Variants in DNAH14 observed in about 807,000 individuals in gnomAD.
The protein encoded by DNAH14 is axonemal beta dynein heavy chain 14.
DNAH14 carries 478 observed loss-of-function variants against 520.9 expected under a neutral mutation model. The observed-to-expected ratio is 0.92, with a 90% CI of 0.85 to 0.99. The LOEUF (loss-of-function observed/expected upper bound fraction) is 0.99. Among genes scored for constraint, DNAH14 ranks in the 50% least tolerant of loss-of-function variants. The pLI is 0.00. For synonymous variants in DNAH14, 1,581 were observed against 1,757.2 expected (o/e 0.90, Z 2.51); for missense variants, 4,831 against 5,234.5 (o/e 0.92, Z 2.38).
At chr1:225,090,824 C>T (rs545043012) in intron 21 of DNAH14, among the ~76,000 whole-genome samples, 2 of 152,192 alleles carry the variant, frequency 1.3e-5, no homozygotes, top group Admixed American at 6.5e-5. Flanking sequence ...AGGCAGATTT[C>T]TTCAATATGG....
At chr1:225,370,283 A>G (rs1575065817) in intron 77 of DNAH14, among the ~76,000 whole-genome samples, 1 of 151,430 alleles carries the variant, frequency 6.6e-6, no homozygotes, top group East Asian at 1.9e-4. Context: ...CTCCATCTCA[A>G]AAACAAAAAA....
At position 225,167,958 on chromosome 1, in the gene DNAH14, C is replaced by T; in HGVS notation, c.5465C>T (p.Thr1822Ile). The change falls in exon 36 of 86, where the codon ACT (threonine) becomes ATT (isoleucine). Residue 1822 changes from threonine to isoleucine, a missense_variant. Thr to Ile is a moderately conservative substitution (Grantham distance 89). Coordinates refer to ENST00000682510, the MANE Select transcript of DNAH14 (RefSeq NM_001367479.1). ...TTTTAGAAAGTAATATATACTGCAACTCAGCAATTGGGTTTACAAAACTGG... is the reference window on the plus strand; with the variant it reads ...TTTTAGAAAGTAATATATACTGCAATTCAGCAATTGGGTTTACAAAACTGG... ...LALEKVIYTA[T>I]QQLGLQNWSS... is the part of the protein sequence containing the mutation. The T allele has an allele frequency of 1.3e-6, 2 of 1,530,224 alleles. No individual in the cohort carries two copies. Among genetic ancestry groups the T allele is most frequent in the Non-Finnish European group, 8.8e-7 (1 of 1,136,644 alleles). 94.8% of individuals were successfully genotyped at this position (1,530,224 alleles called of 1,614,324 possible). A position where few individuals can be genotyped will look rare whatever the true frequency, so the allele number is the denominator to read the frequency against.
At chr1:225,018,078 A>G (rs2147977015) in intron 10 of DNAH14, among the ~76,000 whole-genome samples, 1 of 152,312 alleles carries the variant, frequency 6.6e-6, no homozygotes, top group African/African-American at 2.4e-5. Context: ...AAATTGCTGT[A>G]ATGTCACACA....
In DNAH14 at chr1:225,100,798, G is replaced by T; in HGVS notation, c.3781G>T (p.Ala1261Ser). 5.2e-6 allele frequency: 8 copies of T among 1,538,558 alleles called. No individual in the cohort carries two copies. The highest frequency in any genetic ancestry group is 6.1e-6 in the Non-Finnish European group (7 of 1,142,952). The change falls in exon 23 of 86, where the codon GCT becomes TCT. Residue 1261 changes from alanine (A) to serine (S), a missense_variant. Ala to Ser is a moderately conservative substitution (Grantham distance 99). Coordinates refer to ENST00000682510, the MANE Select transcript of DNAH14 (RefSeq NM_001367479.1). ...IMSKIQNKQN[A>S]LQITTSAGVL... ...GTCAAAAATACAAAACAAACAGAAT[G>T]CTTTGCAGATAACCACTTCTGCAGG...
chr1:225,299,444 C>CAT (rs1421563126), intron 55 of DNAH14, among the ~76,000 whole-genome samples: 1 of 152,108 alleles, frequency 6.6e-6, no homozygotes, highest in East Asian at 1.9e-4. Flanking sequence ...ATCCAAGTGC[C>CAT]ATATCATATC....
chr1:225,366,518 A>T (rs2095555133), intron 76 of DNAH14, among the ~76,000 whole-genome samples: 1 of 152,230 alleles, frequency 6.6e-6, no homozygotes. Context: ...AGAATCAGTC[A>T]TAGCAGTCGG....
chr1:224,998,705 C>T (rs1232029112), intron 8 of DNAH14, among the ~76,000 whole-genome samples: 1 of 151,930 alleles, frequency 6.6e-6, no homozygotes, highest in Non-Finnish European at 1.5e-5. Context: ...ATACATGTTC[C>T]ATGGGAACTT....
At chr1:225,182,033 A>C (rs34256167) in intron 36 of DNAH14, among the ~76,000 whole-genome samples, 19,442 of 150,824 alleles carry the variant, frequency 0.13, 1,399 homozygotes, top group East Asian at 0.31. Context: ...CTAAAAAATA[A>C]AAATACCAAA....
chr1:225,270,630 CTAAATGTTTT>C (rs1279651533), intron 49 of DNAH14, 95 bp from the exon 50 acceptor site: 25 of 976,352 alleles, frequency 2.6e-5, no homozygotes, highest in Non-Finnish European at 3.2e-5. Flanking sequence ...ATCTTTTTGT[CTAAATGTTTT>C]TAAATGTTTT....
chr1:224,968,700 T>G (rs2125609405), intron 6 of DNAH14, 59 bp from the exon 7 acceptor site: 1 of 1,092,892 alleles, frequency 9.2e-7, no homozygotes, highest in East Asian at 3.0e-5. Context: ...CTTAATTTCT[T>G]GAAAATGGTA....
chr1:225,213,894 T>C (rs1219016286), intron 41 of DNAH14, among the ~76,000 whole-genome samples: 5 of 152,242 alleles, frequency 3.3e-5, no homozygotes, highest in African/African-American at 1.2e-4. Flanking sequence ...TTGAATACCC[T>C]TTATTTCTTT....
intron 27 of DNAH14, among the ~76,000 whole-genome samples, chr1:225,139,369 A>G (rs1016547992): frequency 2.0e-5 from 3 of 152,232 alleles, no homozygotes; most frequent in African/African-American, 7.2e-5. Context: ...GAAATACTTT[A>G]TGATAGACTT....
intron 11 of DNAH14, among the ~76,000 whole-genome samples, chr1:225,025,704 C>T (rs1224347960): frequency 1.3e-5 from 2 of 151,978 alleles, no homozygotes. Flanking sequence ...GCAGTGATCA[C>T]TAAATATATA....
intron 38 of DNAH14, among the ~76,000 whole-genome samples, chr1:225,200,110 G>C (rs534620598): frequency 6.6e-6 from 1 of 152,202 alleles, no homozygotes; most frequent in African/African-American, 2.4e-5. Flanking sequence ...TTTAACTGCT[G>C]TTGCTTTAAA....
intron 41 of DNAH14, among the ~76,000 whole-genome samples, chr1:225,225,777 G>A (rs1429796533): frequency 6.6e-6 from 1 of 152,096 alleles, no homozygotes; most frequent in African/African-American, 2.4e-5. Context: ...TGCTAACATG[G>A]GGAAGAGGAT....
At chr1:225,045,249 T>C (rs2067846888) in intron 15 of DNAH14, among the ~76,000 whole-genome samples, 1 of 151,896 alleles carries the variant, frequency 6.6e-6, no homozygotes, top group Non-Finnish European at 1.5e-5. Context: ...TTTTTCTTTA[T>C]TATGAAATGT....
Position 225,079,271 on chromosome 1 carries a change from A to G in DNAH14, c.2489A>G (p.His830Arg). The change falls in exon 18 of 86, where the codon CAT becomes CGT. Residue 830 changes from histidine to arginine, a missense_variant. Coordinates refer to ENST00000682510, the MANE Select transcript of DNAH14 (RefSeq NM_001367479.1). ...DPTEIEEFLE[H>R]FIFLNAISSK... ...ACTGAAATAGAAGAATTTCTGGAGC[A>G]TTTTATTTTTTTGAATGCAATTTCC... 6.5e-7 allele frequency: 1 copy of G among 1,548,594 alleles called. No individual in the cohort carries two copies.
Position 225,100,749 on chromosome 1 carries a change from G to T in DNAH14, c.3732G>T (p.Val1244=). 6.5e-7 allele frequency: 1 copy of T among 1,529,320 alleles called. No individual in the cohort carries two copies. Among genetic ancestry groups the T allele is most frequent in the Non-Finnish European group, 8.8e-7 (1 of 1,140,262 alleles). The allele number at this position is 1,529,320 out of a possible 1,614,324, so 94.7% of individuals were successfully genotyped here. ...LPAETELFSQ[V]ISMWKKIMSK... Reference sequence around the variant, plus strand: ...CAGAAACAGAACTTTTCTCTCAAGTGATTTCCATGTGGAAAAAAATAATGT... The same window carrying T: ...CAGAAACAGAACTTTTCTCTCAAGTTATTTCCATGTGGAAAAAAATAATGT... The change falls in exon 23 of 86, where the codon GTG becomes GTT. Residue 1244 remains valine, a synonymous_variant. Coordinates refer to ENST00000682510, the MANE Select transcript of DNAH14 (RefSeq NM_001367479.1).
rs756521931 is a variant in DNAH14, at chr1:225,063,028, G to A, written c.2424+11233G>A. 5.9e-5 allele frequency among the ~76,000 whole-genome samples: 9 copies of A among 152,020 alleles called. No homozygotes were observed. In the East Asian group the frequency reaches 7.7e-4, roughly 13 times the overall value. ...AAAAATAAATGGAAACAGAAATGAC[G>A]AGATGGGGCTAACAGAAAAAGACAC... On this transcript the variant is annotated intron_variant, in intron 17 of 85. Coordinates refer to ENST00000682510, the MANE Select transcript of DNAH14 (RefSeq NM_001367479.1).
Sources: gnomAD v4.1 joint callset for allele counts (sites outside exome capture counted in the v4.1 genomes callset) on GRCh38, gnomAD v4.1.1 for gene constraint, MANE v1.5 for transcripts, NCBI Gene and HGNC (gene_info 2026-07-23, HGNC 2026-07-21) for gene names.